The following AKAP7 variants were observed in gnomAD, a reference collection of about 807,000 sequenced individuals.
AKAP7 encodes the protein A kinase (PRKA) anchor protein 7.
In AKAP7, 39 loss-of-function variants were observed where a neutral mutation model predicts 39.5. That is an observed-to-expected ratio of 0.99 (90% CI 0.76 to 1.29). The LOEUF (loss-of-function observed/expected upper bound fraction) is 1.29, where lower values mean the gene tolerates loss of function less well. Among genes scored for constraint, AKAP7 ranks in the 50% most tolerant of loss-of-function variants. AKAP7 has a pLI of 0.00. For synonymous variants in AKAP7, 140 were observed against 139.1 expected, an observed-to-expected ratio of 1.01 and a Z score of -0.05; for missense variants, 414 against 407.7, an observed-to-expected ratio of 1.02 and a Z score of -0.13.
intron 7 of AKAP7, among the ~76,000 whole-genome samples, chr6:131,228,993 G>A (rs1810418975): frequency 6.6e-6 from 1 of 152,178 alleles, no homozygotes; most frequent in African/African-American, 2.4e-5. Context: ...TAACAAAAAT[G>A]GGAGGTATGC....
intron 6 of AKAP7, among the ~76,000 whole-genome samples, chr6:131,213,283 T>C (rs1808844878): frequency 6.6e-6 from 1 of 151,652 alleles, no homozygotes; most frequent in South Asian, 2.1e-4. Context: ...TTTTTTATAC[T>C]GAGAATTTTT....
At chr6:131,205,834 A>G (rs1048186359) in intron 6 of AKAP7, among the ~76,000 whole-genome samples, 20 of 152,334 alleles carry the variant, frequency 1.3e-4, no homozygotes, top group African/African-American at 4.8e-4. Flanking sequence ...AATTTTTTTC[A>G]TCAAATGAAA....
At chr6:131,159,567 T>A (rs1802752187) in intron 2 of AKAP7, among the ~76,000 whole-genome samples, 1 of 152,194 alleles carries the variant, frequency 6.6e-6, no homozygotes, top group Non-Finnish European at 1.5e-5. Flanking sequence ...TCCAAAGCAT[T>A]CTCTTAATTT....
intron 1 of AKAP7, among the ~76,000 whole-genome samples, chr6:131,143,906 C>CGGCCTTCT (rs1801264539): frequency 9.5e-6 from 1 of 105,092 alleles, no homozygotes; most frequent in East Asian, 1.4e-3. Flanking sequence ...GAGGACCCTG[C>CGGCCTTCT]GGCCTTCCGA....
intron 3 of AKAP7, among the ~76,000 whole-genome samples, chr6:131,161,556 G>T (rs1375173726): frequency 6.9e-6 from 1 of 145,500 alleles, no homozygotes; most frequent in East Asian, 2.1e-4. Context: ...GAGGTGGGAG[G>T]ATTGCTTGAG....
At chr6:131,169,488 T>C (rs1307808307) in intron 5 of AKAP7, among the ~76,000 whole-genome samples, 2 of 152,218 alleles carry the variant, frequency 1.3e-5, no homozygotes, top group Non-Finnish European at 2.9e-5. Context: ...AATCAATGAA[T>C]AGGAGTTATT....
chr6:131,268,647 G>A (rs79963249), intron 7 of AKAP7, among the ~76,000 whole-genome samples: 3,953 of 152,230 alleles, frequency 0.026, 149 homozygotes, highest in African/African-American at 0.082. Context: ...TTCTGCCGAC[G>A]TACATCGGTG....
Position 131,253,117 on chromosome 6 carries a change from G to A in AKAP7, c.851-28413G>A. 3.1e-6 allele frequency: 5 copies of A among 1,610,762 alleles called. No homozygotes were observed. The South Asian group carries it at 5.5e-5, about 18-fold the overall frequency. On this transcript the variant is annotated intron_variant, in intron 7 of 7. Transcript: ENST00000431975. ...CAGTTGGTCAAGTGGTAAGAGTCAA[G>A]TGACCCCTCCCCTCTCCTGCTGCTA...
intron 7 of AKAP7, among the ~76,000 whole-genome samples, chr6:131,238,271 C>T (rs550000787): frequency 7.1e-4 from 108 of 152,220 alleles, no homozygotes; most frequent in African/African-American, 1.7e-3. Context: ...GTCTGAGAGA[C>T]AGTTTGTTAT....
intron 6 of AKAP7, among the ~76,000 whole-genome samples, chr6:131,208,175 T>TTA (rs1808310020): frequency 6.6e-6 from 1 of 152,244 alleles, no homozygotes; most frequent in Non-Finnish European, 1.5e-5. Flanking sequence ...AGAGCACTAT[T>TTA]TATAACAAGT....
upstream of AKAP7, among the ~76,000 whole-genome samples, chr6:131,134,807 A>G (rs559038743): frequency 6.6e-6 from 1 of 152,360 alleles, no homozygotes; most frequent in South Asian, 2.1e-4. Context: ...ATTATTCACG[A>G]AAGGCGCTAA....
At chr6:131,160,029 T>C in intron 2 of AKAP7, 30 bp from the exon 3 acceptor site, 2 of 1,550,148 alleles carry the variant, frequency 1.3e-6, no homozygotes, top group Non-Finnish European at 1.7e-6. Flanking sequence ...TTAAATGTAT[T>C]AGACGTATTG....
chr6:131,192,584 G>A (rs1436561268), intron 5 of AKAP7, among the ~76,000 whole-genome samples: 1 of 152,114 alleles, frequency 6.6e-6, no homozygotes, highest in African/African-American at 2.4e-5. Flanking sequence ...GTGATTCCAT[G>A]TGAATTTTAG....
At chr6:131,209,728 G>C (rs953310359) in intron 6 of AKAP7, among the ~76,000 whole-genome samples, 2 of 151,544 alleles carry the variant, frequency 1.3e-5, no homozygotes, top group African/African-American at 4.9e-5. Context: ...TTTTCTCAGC[G>C]AGTCGTTTTT....
Position 131,199,711 on chromosome 6 carries a change from C to G in AKAP7, c.702+138C>G, listed in dbSNP as rs1654595797. ...TTTCCAAGTCAGGTTGGTTCCAATT[C>G]CCAGGGGTGCTGAGGATGCTCCTGG... On this transcript the variant is annotated intron_variant, in intron 6 of 7. Transcript: ENST00000431975. 3 of 723,656 alleles carry G rather than the reference C, an allele frequency of 4.1e-6. No homozygotes were observed. In the South Asian group the frequency reaches 5.0e-5, roughly 12 times the overall value. The allele number at this position is 723,656 out of a possible 1,614,324, so 44.8% of individuals were successfully genotyped here.
intron 7 of AKAP7, among the ~76,000 whole-genome samples, chr6:131,223,641 T>A (rs548413438): frequency 1.3e-5 from 2 of 152,166 alleles, no homozygotes; most frequent in Non-Finnish European, 2.9e-5. Flanking sequence ...TAGATACTTC[T>A]TGTGTAGGAC....
chr6:131,245,369 C>G (rs940016664), intron 7 of AKAP7, among the ~76,000 whole-genome samples: 2 of 151,120 alleles, frequency 1.3e-5, no homozygotes, highest in African/African-American at 4.9e-5. Flanking sequence ...CTCAGCATCC[C>G]GAGTAGCTGG....
intron 2 of AKAP7, among the ~76,000 whole-genome samples, chr6:131,145,909 G>A (rs967779693): frequency 2.6e-5 from 4 of 151,978 alleles, no homozygotes; most frequent in African/African-American, 9.7e-5. Flanking sequence ...TAATAATAAT[G>A]TTATATTCAT....
At chr6:131,203,997 A>G (rs1297902474) in intron 6 of AKAP7, among the ~76,000 whole-genome samples, 2 of 152,178 alleles carry the variant, frequency 1.3e-5, no homozygotes, top group African/African-American at 2.4e-5. Context: ...TTGTCAAGCA[A>G]TAGTGACAAT....
Sources: allele counts gnomAD v4.1 joint callset (sites outside exome capture counted in the v4.1 genomes callset), GRCh38; gene constraint gnomAD v4.1.1; transcripts MANE v1.5; gene names NCBI Gene and HGNC (gene_info 2026-07-23, HGNC 2026-07-21).